PI4K2A: variants seen among roughly 807,000 people sequenced by gnomAD.
The protein encoded by PI4K2A is phosphatidylinositol 4-kinase type 2-alpha.
In PI4K2A, 20 loss-of-function variants were observed where a neutral mutation model predicts 55.0. The ratio of observed to expected loss-of-function variants is 0.36; its 90% CI spans 0.26 to 0.53. The LOEUF (loss-of-function observed/expected upper bound fraction) is 0.53, where lower values mean the gene tolerates loss of function less well. Ranked by LOEUF, PI4K2A falls within the 20% of genes least tolerant of loss-of-function variation. PI4K2A has a pLI of 0.91. For synonymous variants in PI4K2A, 235 were observed against 258.5 expected, an observed-to-expected ratio of 0.91 and a Z score of 0.87; for missense variants, 463 against 637.1, an observed-to-expected ratio of 0.73 and a Z score of 2.94.
chr10:97,668,435 A>G (rs1447766603), intron 8 of PI4K2A, among the ~76,000 whole-genome samples: 2 of 152,040 alleles, frequency 1.3e-5, no homozygotes, highest in Non-Finnish European at 2.9e-5. Context: ...AAAATTAGCC[A>G]TGTGTGGTGG....
chr10:97,662,617 T>C (rs1317163204), intron 4 of PI4K2A, among the ~76,000 whole-genome samples: 3 of 152,208 alleles, frequency 2.0e-5, no homozygotes, highest in African/African-American at 7.2e-5. Flanking sequence ...TCTCAAGCTC[T>C]TAGCCAGCTC....
At chr10:97,674,659 T>C (rs959061520) in exon 9 of PI4K2A, 1 of 152,238 alleles carries the variant, frequency 6.6e-6, no homozygotes, top group Non-Finnish European at 1.5e-5. Context: ...GTTTTAAATT[T>C]TTTCCCCCCA....
chr10:97,649,834 G>A (rs1433400704), intron 1 of PI4K2A, among the ~76,000 whole-genome samples: 1 of 151,846 alleles, frequency 6.6e-6, no homozygotes, highest in Admixed American at 6.6e-5. Context: ...ATGTTGGCCA[G>A]GCTGGTCTCG....
Position 97,656,527 on chromosome 10 carries a change from C to A in PI4K2A, c.768+111C>A. The A allele has an allele frequency of 2.0e-6, 2 of 1,016,306 alleles. No homozygotes were observed. Among genetic ancestry groups the A allele is most frequent in the Non-Finnish European group, 2.9e-6 (2 of 681,056 alleles). The allele number at this position is 1,016,306 out of a possible 1,614,324, so 63.0% of individuals were successfully genotyped here. The stretch of plus-strand genomic sequence containing the variant: ...AATATGGGCACGTGAATAACCTGCC[C>A]TGAGGATCCTGTCTTCCTTATTTCT... On this transcript the variant is annotated intron_variant, in intron 3 of 8. Transcript: ENST00000370631. The surrounding 1 kb of genome is among the most constrained non-coding windows in gnomAD (Gnocchi z 4.5).
At chr10:97,646,134 T>C (rs538118680) in intron 1 of PI4K2A, among the ~76,000 whole-genome samples, 1 of 152,282 alleles carries the variant, frequency 6.6e-6, no homozygotes, top group South Asian at 2.1e-4. Flanking sequence ...GACTACATGA[T>C]GTGTGATATT....
exon 1 of PI4K2A, chr10:97,640,701 T>A: frequency 7.4e-7 from 1 of 1,355,072 alleles, no homozygotes; most frequent in Non-Finnish European, 9.7e-7. Context: ...GCGAGCGCAG[T>A]GGTGTGGAGC....
intron 2 of PI4K2A, among the ~76,000 whole-genome samples, chr10:97,654,257 A>G (rs1453607720): frequency 6.6e-6 from 1 of 152,204 alleles, no homozygotes; most frequent in Non-Finnish European, 1.5e-5. Context: ...AAGGGGATTT[A>G]TGGCTTGAGA....
At chr10:97,664,688 T>C (rs984317227) in intron 5 of PI4K2A, among the ~76,000 whole-genome samples, 197 bp from the exon 6 acceptor site, 1 of 152,246 alleles carries the variant, frequency 6.6e-6, no homozygotes, top group African/African-American at 2.4e-5. Flanking sequence ...TCTTGAACTT[T>C]GAACAAGAGC....
chr10:97,653,962 A>G (rs1477904588), intron 2 of PI4K2A, among the ~76,000 whole-genome samples: 1 of 152,218 alleles, frequency 6.6e-6, no homozygotes, highest in Non-Finnish European at 1.5e-5. Flanking sequence ...ATGAGACAGA[A>G]CTTTGGAAGC....
At position 97,649,609 on chromosome 10, in the gene PI4K2A, A is replaced by ATTTTTTTTTTT. The variant is rs60329004; in HGVS notation, c.436-1311_436-1301dup. Among the ~76,000 whole-genome samples, 29 of 70,550 alleles carry ATTTTTTTTTTT rather than the reference A, an allele frequency of 4.1e-4. 5 individuals carry two copies. Among genetic ancestry groups the ATTTTTTTTTTT allele is most frequent in the Non-Finnish European group, 6.8e-4 (22 of 32,350 alleles). The allele number at this position is 70,550 out of a possible 152,430, so 46.3% of individuals were successfully genotyped here. On this transcript the variant is annotated intron_variant, in intron 1 of 8. Transcript: ENST00000370631. ...TTTCCTTAACCTCATTCCATAATAG[A>ATTTTTTTTTTT]TTTTTTTTTTTTTTTTTTTTTTTTT...
intron 1 of PI4K2A, among the ~76,000 whole-genome samples, chr10:97,647,416 G>A (rs1456672572): frequency 6.6e-6 from 1 of 152,190 alleles, no homozygotes; most frequent in African/African-American, 2.4e-5. Context: ...ACTGGTGGGT[G>A]TCTTTCCAAT....
At chr10:97,640,785 C>T (rs1241786497) in exon 1 of PI4K2A, 8 of 1,504,532 alleles carry the variant, frequency 5.3e-6, no homozygotes, top group African/African-American at 4.3e-5. Context: ...GCGGGCCCAA[C>T]CCCCGGACTA....
exon 1 of PI4K2A, chr10:97,640,929 G>T: frequency 7.4e-7 from 1 of 1,358,004 alleles, no homozygotes; most frequent in Non-Finnish European, 9.4e-7. Context: ...GCCACTGTTG[G>T]ATCGGGCCCG....
At chr10:97,642,397 CTT>C (rs72294580) in intron 1 of PI4K2A, among the ~76,000 whole-genome samples, 1 of 144,564 alleles carries the variant, frequency 6.9e-6, no homozygotes, top group Non-Finnish European at 1.5e-5. Context: ...GTTTCTTTTT[CTT>C]TTTTTTTTTC....
chr10:97,652,433 C>T (rs929098765), intron 2 of PI4K2A, among the ~76,000 whole-genome samples: 4 of 151,888 alleles, frequency 2.6e-5, no homozygotes, highest in Non-Finnish European at 4.4e-5. Context: ...GTTGGGACTA[C>T]GGGCATGTGC....
At position 97,656,352 on chromosome 10, in the gene PI4K2A, G is replaced by A. The variant is rs771545414; in HGVS notation, c.704G>A (p.Arg235Gln). The A allele has an allele frequency of 8.7e-6, 14 of 1,613,798 alleles. No homozygotes were observed. The highest frequency in any genetic ancestry group is 1.1e-5 in the Non-Finnish European group (13 of 1,179,690). Residue 235 changes from arginine to glutamine, a missense_variant, in exon 3 of 9, where the codon CGG becomes CAG. By Grantham distance (43) the Arg-to-Gln change is conservative. Around this residue, in one of 2 missense-constraint regions of PI4K2A, gnomAD observed 277 missense variants for 432.6 expected, o/e 0.64. Transcript: ENST00000370631. The surrounding 1 kb of genome is among the most constrained non-coding windows in gnomAD (Gnocchi z 4.5). The stretch of plus-strand genomic sequence containing the variant: ...GACCGAGTGAAGTCCAGGGGCAAGC[G>A]GCTTGCACTAGAGAAAGTGCCAAAA...
intron 8 of PI4K2A, among the ~76,000 whole-genome samples, chr10:97,672,065 A>T (rs1301232217): frequency 6.6e-6 from 1 of 150,786 alleles, no homozygotes; most frequent in African/African-American, 2.4e-5. Context: ...TTTTTTTGAG[A>T]TGGAGTCTCG....
At chr10:97,666,354 A>C in intron 6 of PI4K2A, 84 bp from the exon 7 acceptor site, 1 of 1,290,612 alleles carries the variant, frequency 7.7e-7, no homozygotes, top group Non-Finnish European at 1.1e-6. Context: ...GTTCTCCTTT[A>C]GAAAGTGCCT....
intron 1 of PI4K2A, among the ~76,000 whole-genome samples, chr10:97,647,923 TTG>T (rs1554878396): frequency 1.5e-5 from 2 of 137,496 alleles, no homozygotes; most frequent in Non-Finnish European, 1.6e-5. Flanking sequence ...TGCTTTTTTT[TTG>T]TTGTTGTTGT....
Sources: gnomAD v4.1 joint callset for allele counts (sites outside exome capture counted in the v4.1 genomes callset) on GRCh38, gnomAD v4.1.1 for gene constraint, gnomAD v4.1.1 regional missense constraint, Gnocchi (gnomAD v3.1) non-coding constraint, MANE v1.5 for transcripts, NCBI Gene and HGNC (gene_info 2026-07-23, HGNC 2026-07-21) for gene names.